The following LRCH3 variants were observed in gnomAD, a reference collection of about 807,000 sequenced individuals.
LRCH3 encodes leucine rich repeats and calponin homology domain containing 3, also known as DISP complex protein LRCH3.
A neutral mutation model predicts 104.5 loss-of-function variants in LRCH3; 68 were observed. That is an observed-to-expected ratio of 0.65 (90% CI 0.54 to 0.80). LRCH3 has a LOEUF of 0.80. LRCH3 is among the 30% of genes least tolerant of loss of function. The pLI is 0.00. For missense variants in LRCH3, 951 were observed against 953.9 expected, an observed-to-expected ratio of 1.00 and a Z score of 0.04; for synonymous variants, 344 against 361.3, an observed-to-expected ratio of 0.95 and a Z score of 0.54.
chr3:197,882,770 AAACAGTGTC>A (rs1448423935), intron 20 of LRCH3: 25 of 985,258 alleles, frequency 2.5e-5, no homozygotes, highest in Non-Finnish European at 3.0e-5. Context: ...TTCCTCAAGC[AAACAGTGTC>A]AACACTTCTC....
At chr3:197,807,658 TC>T (rs2109143767) in intron 1 of LRCH3, among the ~76,000 whole-genome samples, 1 of 152,350 alleles carries the variant, frequency 6.6e-6, no homozygotes, top group South Asian at 2.1e-4. Flanking sequence ...TCCTTTGTTT[TC>T]CTTTCTGTGT....
intron 10 of LRCH3, among the ~76,000 whole-genome samples, chr3:197,846,925 A>G (rs1738817231): frequency 6.6e-6 from 1 of 151,832 alleles, no homozygotes; most frequent in Non-Finnish European, 1.5e-5. Flanking sequence ...TCTTAAAAAT[A>G]AAAAAACCAG....
chr3:197,850,640 C>T lies in LRCH3; in HGVS notation c.1531-1921C>T. On this transcript the variant is annotated intron_variant, in intron 12 of 20. Transcript: ENST00000425562. ...TGACCAGAGAATCTACATCTGAACC[C>T]TTAAGTTCAGCATCACTCTCTGCAT... is the stretch of plus-strand genomic sequence containing the variant. 4 of 1,557,810 alleles carry T rather than the reference C, an allele frequency of 2.6e-6. No homozygotes were observed. In the Admixed American group the frequency reaches 6.7e-5, roughly 26 times the overall value.
intron 6 of LRCH3, chr3:197,830,536 T>A: frequency 4.8e-6 from 2 of 415,090 alleles, no homozygotes; most frequent in Non-Finnish European, 8.8e-6. Context: ...CGAACAAGAA[T>A]TGCAGAGGTG....
At position 197,815,104 on chromosome 3, in the gene LRCH3, G is replaced by A. The variant is rs367830758; in HGVS notation, c.407+52G>A. The A allele has an allele frequency of 2.4e-5, 27 of 1,113,614 alleles. No homozygotes were observed. In the African/African-American group the frequency reaches 3.6e-4, roughly 15 times the overall value. The allele number at this position is 1,113,614 out of a possible 1,614,324, so 69.0% of individuals were successfully genotyped here. A position where few individuals can be genotyped will look rare whatever the true frequency, so the allele number is the denominator to read the frequency against. On this transcript the variant is annotated intron_variant, in intron 2 of 20. Coordinates refer to ENST00000425562, the MANE Select transcript of LRCH3 (RefSeq NM_001365715.1). ...ATTTTTGGTTTTATGTGATCTTTTCGATTTTCCCCTTTCCCTAAAATATTT... is the reference window on the plus strand; with the variant it reads ...ATTTTTGGTTTTATGTGATCTTTTCAATTTTCCCCTTTCCCTAAAATATTT...
At chr3:197,881,113 T>A in intron 20 of LRCH3, 3 of 1,055,810 alleles carry the variant, frequency 2.8e-6, no homozygotes, top group Non-Finnish European at 3.4e-6. Flanking sequence ...TCAGCACAAG[T>A]GTTGAATTGT....
chr3:197,874,255 C>A (rs895202082), intron 19 of LRCH3, among the ~76,000 whole-genome samples: 1 of 152,134 alleles, frequency 6.6e-6, no homozygotes, highest in African/African-American at 2.4e-5. Flanking sequence ...TATTTACAGC[C>A]ACTCCCCATT....
At chr3:197,797,473 C>G (rs558281711) in intron 1 of LRCH3, among the ~76,000 whole-genome samples, 1 of 151,962 alleles carries the variant, frequency 6.6e-6, no homozygotes, top group Non-Finnish European at 1.5e-5. Context: ...CAGGGAGATA[C>G]CAGCATTTTA....
chr3:197,834,508 C>T lies in LRCH3; in HGVS notation c.1103-1166C>T, dbSNP rs145795243. ...TAGTAGTCAGAAACTCTTTCTTTCT[C>T]GAGTCCAGTTTACTCCTACCTTTTC... On this transcript the variant is annotated intron_variant, in intron 8 of 20. Transcript: ENST00000425562. Among the ~76,000 whole-genome samples, 38 of 152,278 alleles carry T rather than the reference C, an allele frequency of 2.5e-4. No individual in the cohort carries two copies. The East Asian group carries it at 4.6e-3, about 19-fold the overall frequency.
chr3:197,809,671 C>T (rs192641560), intron 1 of LRCH3, among the ~76,000 whole-genome samples: 3 of 151,762 alleles, frequency 2.0e-5, no homozygotes, highest in Admixed American at 2.0e-4. Context: ...ATTCTTTCCT[C>T]TCTGCCCTCC....
chr3:197,835,088 G>A (rs892153307), intron 8 of LRCH3, among the ~76,000 whole-genome samples: 32 of 152,282 alleles, frequency 2.1e-4, no homozygotes, highest in African/African-American at 6.7e-4. Flanking sequence ...AGGTTGCAGT[G>A]AGCCAAGATT....
intron 1 of LRCH3, among the ~76,000 whole-genome samples, chr3:197,805,451 C>A (rs1448689933): frequency 6.6e-6 from 1 of 152,154 alleles, no homozygotes; most frequent in Non-Finnish European, 1.5e-5. Context: ...GACACGCCTC[C>A]AAACTGAAAA....
intron 9 of LRCH3, 150 bp downstream of exon 9, chr3:197,835,972 G>C (rs1396610529): frequency 2.4e-6 from 2 of 848,754 alleles, no homozygotes; most frequent in Non-Finnish European, 3.4e-6. Flanking sequence ...GAGTTTTTCA[G>C]ATTTATTCAG....
At chr3:197,855,398 G>C (rs534080464) in intron 14 of LRCH3, among the ~76,000 whole-genome samples, 1 of 152,290 alleles carries the variant, frequency 6.6e-6, no homozygotes, top group East Asian at 1.9e-4. Context: ...CAAATATTGA[G>C]AGCCTCCGAC....
At chr3:197,820,018 C>A (rs563386677) in intron 3 of LRCH3, among the ~76,000 whole-genome samples, 7 of 152,282 alleles carry the variant, frequency 4.6e-5, no homozygotes, top group African/African-American at 1.7e-4. Flanking sequence ...CAGCAAGCGG[C>A]CTTTTCTAAA....
chr3:197,870,999 A>G (rs1236693271), intron 18 of LRCH3, among the ~76,000 whole-genome samples: 1 of 152,146 alleles, frequency 6.6e-6, no homozygotes, highest in Non-Finnish European at 1.5e-5. Flanking sequence ...ATGTGTGTGC[A>G]CACATATATA....
Position 197,791,276 on chromosome 3 carries a change from G to C in LRCH3, c.-3G>C. 6.2e-7 allele frequency: 1 copy of C among 1,608,588 alleles called. No individual in the cohort carries two copies. The highest frequency in any genetic ancestry group is 8.5e-7 in the Non-Finnish European group (1 of 1,178,714). Reference sequence around the variant, plus strand: ...GGCGGGCCCGAGTGTTGTCGGCTGGGAAATGGCGGCCGCGGGCTTGGTCGC... The same window carrying C: ...GGCGGGCCCGAGTGTTGTCGGCTGGCAAATGGCGGCCGCGGGCTTGGTCGC... On this transcript the variant is annotated 5_prime_UTR_variant, in exon 1 of 21. Coordinates refer to ENST00000425562, the MANE Select transcript of LRCH3 (RefSeq NM_001365715.1).
intron 9 of LRCH3, among the ~76,000 whole-genome samples, 196 bp from the exon 10 acceptor site, chr3:197,839,125 G>A (rs1737394060): frequency 6.6e-6 from 1 of 152,122 alleles, no homozygotes; most frequent in South Asian, 2.1e-4. Context: ...AATGTTTGTG[G>A]ATTGTGAATG....
rs986633098 is a variant in LRCH3 at position 197,882,146 on chromosome 3, A to C, written c.2209-1395A>C. Reference sequence around the variant, plus strand: ...GAACACACGGCACTCCCTCTAGTCCAGCTGGGAGGTGAGGGTGCCCCAGAA... The same window carrying C: ...GAACACACGGCACTCCCTCTAGTCCCGCTGGGAGGTGAGGGTGCCCCAGAA... On this transcript the variant is annotated intron_variant, in intron 20 of 20. Transcript: ENST00000425562. 3 of 985,342 alleles carry C rather than the reference A, an allele frequency of 3.0e-6. No homozygotes were observed. In the African/African-American group the frequency reaches 5.2e-5, roughly 17 times the overall value. 61.0% of individuals were successfully genotyped at this position (985,342 alleles called of 1,614,324 possible).
Sources: allele counts gnomAD v4.1 joint callset (sites outside exome capture counted in the v4.1 genomes callset), GRCh38; gene constraint gnomAD v4.1.1; transcripts MANE v1.5; gene names NCBI Gene and HGNC (gene_info 2026-07-23, HGNC 2026-07-21).